The following MYO16 variants were observed in gnomAD, a reference collection of about 807,000 sequenced individuals.
MYO16 encodes myosin XVI.
Under a neutral mutation model 205.3 loss-of-function variants are expected in MYO16, and 94 were observed. That is an observed-to-expected ratio of 0.46 (90% CI 0.39 to 0.54). MYO16 has a LOEUF of 0.54. Among genes scored for constraint, MYO16 ranks in the 20% least tolerant of loss-of-function variants. MYO16 has a pLI of 0.00. For missense variants in MYO16, 2,315 were observed against 2,387.5 expected, an observed-to-expected ratio of 0.97 and a Z score of 0.63; for synonymous variants, 988 against 954.0, an observed-to-expected ratio of 1.04 and a Z score of -0.66.
the MYO16 span, among the ~76,000 whole-genome samples, chr13:108,534,825 C>T: frequency 2.0e-5 from 3 of 150,178 alleles, no homozygotes; most frequent in Non-Finnish European, 1.5e-5. Flanking sequence ...TCCTCCTCTT[C>T]TTCCTCTTCT....
At chr13:108,837,955 G>A (rs1000318121) in intron 9 of MYO16, among the ~76,000 whole-genome samples, 5 of 151,778 alleles carry the variant, frequency 3.3e-5, no homozygotes, top group African/African-American at 1.2e-4. Flanking sequence ...AAAAAATTTG[G>A]TATATGCAAA....
chr13:109,171,652 C>A (rs1878927279), intron 33 of MYO16, among the ~76,000 whole-genome samples: 1 of 152,044 alleles, frequency 6.6e-6, no homozygotes, highest in Admixed American at 6.5e-5. Context: ...GATTAGAGAG[C>A]AGTTTTTAGT....
chr13:109,058,839 C>T (rs1053899515), intron 27 of MYO16, among the ~76,000 whole-genome samples: 6 of 152,162 alleles, frequency 3.9e-5, no homozygotes, highest in African/African-American at 1.4e-4. Context: ...TTTCAAAATT[C>T]GAGTCAATCT....
At chr13:108,939,979 A>C (rs1189978364) in intron 16 of MYO16, among the ~76,000 whole-genome samples, 1 of 152,198 alleles carries the variant, frequency 6.6e-6, no homozygotes, top group African/African-American at 2.4e-5. Flanking sequence ...ACCTGGTTAA[A>C]TATTTCTTGG....
chr13:108,830,955 T>C (rs1181107386), intron 9 of MYO16, among the ~76,000 whole-genome samples: 4 of 152,176 alleles, frequency 2.6e-5, no homozygotes, highest in Non-Finnish European at 5.9e-5. Flanking sequence ...TATCTTTACA[T>C]CTGTTTCTGT....
rs762000581 is a variant in MYO16, at chr13:109,076,226, TCAAA to T, written c.3335+20635_3335+20638del. Among the ~76,000 whole-genome samples, 13 of 152,312 alleles carry T rather than the reference TCAAA, an allele frequency of 8.5e-5. No individual in the cohort carries two copies. In the Middle Eastern group the frequency reaches 0.01, roughly 120 times the overall value. ...ATGTATTTTCTCTGTTGTTTTCTGT[TCAAA>T]CAATTAGTAAATCGATTTCATTAAT... On this transcript the variant is annotated intron_variant, in intron 27 of 34. Transcript: ENST00000457511.
intron 7 of MYO16, among the ~76,000 whole-genome samples, chr13:108,808,769 A>G (rs748793276): frequency 2.6e-5 from 4 of 152,224 alleles, no homozygotes; most frequent in Non-Finnish European, 5.9e-5. Flanking sequence ...TTAAATGTTA[A>G]TTTATATAGT....
chr13:108,969,926 GTC>G (rs1883945383), intron 20 of MYO16, among the ~76,000 whole-genome samples: 1 of 152,124 alleles, frequency 6.6e-6, no homozygotes, highest in South Asian at 2.1e-4. Flanking sequence ...CTCTTTCATG[GTC>G]TGTTTTGCCT....
chr13:108,824,925 C>A (rs1876172450), intron 9 of MYO16, among the ~76,000 whole-genome samples: 1 of 152,056 alleles, frequency 6.6e-6, no homozygotes, highest in Admixed American at 6.6e-5. Context: ...TCAAAAACTT[C>A]TCACAGAGAA....
intron 27 of MYO16, among the ~76,000 whole-genome samples, chr13:109,078,956 A>G (rs1213488532): frequency 6.6e-6 from 1 of 152,140 alleles, no homozygotes; most frequent in East Asian, 1.9e-4. Context: ...ATATGCACGT[A>G]CTGATCTGTG....
Position 108,719,873 on chromosome 13 carries a change from T to C in MYO16, c.363+7142T>C, listed in dbSNP as rs1043007964. Among the ~76,000 whole-genome samples, 7 of 152,308 alleles carry C rather than the reference T, an allele frequency of 4.6e-5. No individual in the cohort carries two copies. In the South Asian group the frequency reaches 1.2e-3, roughly 27 times the overall value. ...TCACCTTTATATATACCTTGCCAAG[T>C]ACAGCTGGAATATAGTGTTGCCTAA... On this transcript the variant is annotated intron_variant, in intron 3 of 34. Transcript: ENST00000457511.
At chr13:109,121,031 A>G (rs1225604449) in intron 29 of MYO16, among the ~76,000 whole-genome samples, 2 of 152,234 alleles carry the variant, frequency 1.3e-5, no homozygotes, top group Non-Finnish European at 2.9e-5. Context: ...CCTGGGTGCC[A>G]GAGCGAGATC....
chr13:108,638,071 T>C (rs1880338469), intron 1 of MYO16, among the ~76,000 whole-genome samples: 1 of 151,670 alleles, frequency 6.6e-6, no homozygotes, highest in Non-Finnish European at 1.5e-5. Flanking sequence ...GGAAGCAGAG[T>C]GGACTTGAGG....
intron 34 of MYO16, among the ~76,000 whole-genome samples, chr13:109,186,856 G>T (rs898469204): frequency 1.3e-5 from 2 of 152,070 alleles, no homozygotes; most frequent in Non-Finnish European, 2.9e-5. Flanking sequence ...ACTTACAACT[G>T]GGGGAAACAA....
chr13:108,797,435 C>G (rs758990371), intron 6 of MYO16, among the ~76,000 whole-genome samples: 4 of 152,054 alleles, frequency 2.6e-5, no homozygotes, highest in Non-Finnish European at 4.4e-5. Flanking sequence ...AGAGGAGGCT[C>G]CAGAAATGGG....
At chr13:108,795,765 T>C (rs1267051872) in intron 6 of MYO16, among the ~76,000 whole-genome samples, 1 of 152,138 alleles carries the variant, frequency 6.6e-6, no homozygotes, top group Non-Finnish European at 1.5e-5. Context: ...CACATTTCAG[T>C]TGGGAAAGTG....
chr13:109,103,789 TCAGTACTATTA>T (rs1889042218), intron 28 of MYO16, among the ~76,000 whole-genome samples: 1 of 152,322 alleles, frequency 6.6e-6, no homozygotes, highest in East Asian at 1.9e-4. Flanking sequence ...TGTGGTATCT[TCAGTACTATTA>T]CTTTTGTATG....
intron 28 of MYO16, among the ~76,000 whole-genome samples, chr13:109,119,305 T>C (rs547820837): frequency 3.3e-5 from 5 of 152,350 alleles, no homozygotes; most frequent in East Asian, 1.9e-4. Flanking sequence ...CCCCAGTTCA[T>C]GCTTGAGAGC....
intron 20 of MYO16, among the ~76,000 whole-genome samples, chr13:108,972,251 A>C (rs377240217): frequency 0.09 from 708 of 7,836 alleles, 26 homozygotes; most frequent in Middle Eastern, 0.25. Flanking sequence ...CTCTCTCTCT[A>C]TATATATATA....
Sources: gnomAD v4.1 joint callset for allele counts (sites outside exome capture counted in the v4.1 genomes callset) on GRCh38, gnomAD v4.1.1 for gene constraint, MANE v1.5 for transcripts, NCBI Gene and HGNC (gene_info 2026-07-23, HGNC 2026-07-21) for gene names.